Variants in FUT9 observed in about 807,000 individuals in gnomAD.
FUT9 encodes fucosyltransferase 9, also known as 4-galactosyl-N-acetylglucosaminide 3-alpha-L-fucosyltransferase 9.
A neutral mutation model predicts 29.7 loss-of-function variants in FUT9; 15 were observed. That is an observed-to-expected ratio of 0.51 (90% confidence interval 0.34 to 0.78). The LOEUF is 0.78. Ranked by LOEUF, FUT9 falls within the 30% of genes least tolerant of loss-of-function variation. The pLI is 0.01. For missense variants in FUT9, 319 were observed against 425.4 expected, an observed-to-expected ratio of 0.75 and a Z score of 2.20; for synonymous variants, 169 against 153.7, an observed-to-expected ratio of 1.10 and a Z score of -0.74.
chr6:96,039,222 C>A (rs1164531021), intron 1 of FUT9, among the ~76,000 whole-genome samples: 2 of 152,056 alleles, frequency 1.3e-5, no homozygotes, highest in East Asian at 3.9e-4. Context: ...TATACACACA[C>A]ACCCACACAC....
In FUT9 at chr6:96,016,190, A is replaced by T. The variant is rs1343616676; in HGVS notation, c.-120A>T. Reference sequence around the variant, plus strand: ...CGCGCAGCCCTCGCGAGCGCCCCGGATGGCGCTTTACCCCTAGGACCGGTG... The same window carrying T: ...CGCGCAGCCCTCGCGAGCGCCCCGGTTGGCGCTTTACCCCTAGGACCGGTG... On this transcript the variant is annotated 5_prime_UTR_variant, in exon 1 of 3. It removes an upstream start codon present in the reference 5' UTR. Coordinates refer to ENST00000302103, the MANE Select transcript of FUT9 (RefSeq NM_006581.4). 6.5e-6 allele frequency: 1 copy of T among 153,458 alleles called. No individual in the cohort carries two copies. The highest frequency in any genetic ancestry group is 2.4e-5 in the African/African-American group (1 of 41,438). The allele number at this position is 153,458 out of a possible 1,614,324, so 9.5% of individuals were successfully genotyped here.
At chr6:96,025,570 G>C (rs193096594) in intron 1 of FUT9, among the ~76,000 whole-genome samples, 1 of 151,796 alleles carries the variant, frequency 6.6e-6, no homozygotes, top group East Asian at 1.9e-4. Context: ...AAATAAGCGA[G>C]GTCGTGGTAC....
intron 2 of FUT9, among the ~76,000 whole-genome samples, chr6:96,149,198 G>T (rs967865207): frequency 2.0e-5 from 3 of 151,446 alleles, no homozygotes; most frequent in Admixed American, 2.0e-4. Context: ...GAAAATAATA[G>T]ACTGCTTTTA....
At chr6:96,103,413 G>A (rs1464812062) in intron 1 of FUT9, among the ~76,000 whole-genome samples, 1 of 151,940 alleles carries the variant, frequency 6.6e-6, no homozygotes, top group South Asian at 2.1e-4. Context: ...AAATCTATGA[G>A]GAGTGTGTTA....
At chr6:96,028,637 A>G (rs950646579) in intron 1 of FUT9, among the ~76,000 whole-genome samples, 4 of 151,668 alleles carry the variant, frequency 2.6e-5, no homozygotes, top group African/African-American at 9.7e-5. Flanking sequence ...TTAAGAAGAC[A>G]TAATCATTTC....
intron 2 of FUT9, among the ~76,000 whole-genome samples, chr6:96,194,733 A>G (rs868600113): frequency 5.9e-5 from 9 of 151,802 alleles, no homozygotes; most frequent in Non-Finnish European, 1.2e-4. Flanking sequence ...GTTGGCTGCA[A>G]GGGACTAAAC....
chr6:96,031,809 A>C (rs540220488), intron 1 of FUT9, among the ~76,000 whole-genome samples: 50 of 151,646 alleles, frequency 3.3e-4, no homozygotes, highest in African/African-American at 1.2e-3. Context: ...CTAGTAATTT[A>C]TTTCTCAGTA....
intron 1 of FUT9, among the ~76,000 whole-genome samples, chr6:96,094,789 A>AT (rs748133964): frequency 8.6e-5 from 13 of 150,884 alleles, no homozygotes; most frequent in Admixed American, 2.6e-4. Flanking sequence ...TTTTTTCTTC[A>AT]TTTTTTTTTC....
chr6:96,085,082 A>G (rs369624571), intron 1 of FUT9, among the ~76,000 whole-genome samples: 27 of 152,258 alleles, frequency 1.8e-4, no homozygotes, highest in East Asian at 9.6e-4. Context: ...TAAGGCTTTT[A>G]TTTAAATTTT....
intron 2 of FUT9, among the ~76,000 whole-genome samples, chr6:96,175,958 T>C (rs72922870): frequency 0.039 from 5,995 of 152,242 alleles, 205 homozygotes; most frequent in South Asian, 0.13. Context: ...ACTAACAAAT[T>C]TGCTGAGGGC....
intron 2 of FUT9, among the ~76,000 whole-genome samples, chr6:96,182,401 C>T (rs1339463189): frequency 1.3e-5 from 2 of 151,744 alleles, no homozygotes; most frequent in Non-Finnish European, 2.9e-5. Flanking sequence ...TATTCCTTTT[C>T]CCATGCAAAA....
chr6:96,032,028 A>C (rs2127926983), intron 1 of FUT9, among the ~76,000 whole-genome samples: 1 of 151,676 alleles, frequency 6.6e-6, no homozygotes, highest in South Asian at 2.1e-4. Context: ...CCAAGACTGC[A>C]TTATTCTCAC....
At chr6:96,185,958 T>C (rs1773398968) in intron 2 of FUT9, among the ~76,000 whole-genome samples, 1 of 152,022 alleles carries the variant, frequency 6.6e-6, no homozygotes, top group South Asian at 2.1e-4. Context: ...AATCCTCCCC[T>C]CCAAGGTTCG....
intron 2 of FUT9, among the ~76,000 whole-genome samples, chr6:96,185,462 T>C (rs1773388774): frequency 6.6e-6 from 1 of 152,082 alleles, no homozygotes; most frequent in Non-Finnish European, 1.5e-5. Context: ...ATGTGGCTAT[T>C]TGTGGCCACA....
At chr6:96,086,267 C>T (rs1192262804) in intron 1 of FUT9, among the ~76,000 whole-genome samples, 1 of 152,128 alleles carries the variant, frequency 6.6e-6, no homozygotes, top group Non-Finnish European at 1.5e-5. Context: ...GTGTTCCTTC[C>T]GTTTGCATTT....
chr6:96,052,275 G>C (rs1046400626), intron 1 of FUT9, among the ~76,000 whole-genome samples: 3 of 152,136 alleles, frequency 2.0e-5, no homozygotes, highest in African/African-American at 4.8e-5. Context: ...ACAACAGGTA[G>C]GGATTATGGA....
intron 2 of FUT9, among the ~76,000 whole-genome samples, chr6:96,145,788 G>A (rs767402775): frequency 6.6e-6 from 1 of 152,130 alleles, no homozygotes. Flanking sequence ...GGCAGGGGCT[G>A]GGGAGAAGGC....
intron 1 of FUT9, among the ~76,000 whole-genome samples, chr6:96,052,096 G>A (rs559823297): frequency 1.3e-5 from 2 of 152,288 alleles, no homozygotes; most frequent in African/African-American, 4.8e-5. Context: ...GGAAGGGGAA[G>A]CAAGCACATC....
intron 1 of FUT9, among the ~76,000 whole-genome samples, chr6:96,059,966 C>T (rs1034526732): frequency 3.3e-5 from 5 of 152,066 alleles, no homozygotes. Context: ...TCTCATAGCT[C>T]TATAATCACA....
Sources: allele counts gnomAD v4.1 joint callset (sites outside exome capture counted in the v4.1 genomes callset), GRCh38; gene constraint gnomAD v4.1.1; transcripts MANE v1.5; gene names NCBI Gene and HGNC (gene_info 2026-07-23, HGNC 2026-07-21).